TMEM128: variants seen among roughly 807,000 people sequenced by gnomAD.
TMEM128 encodes transmembrane protein 128.
TMEM128 carries 16 observed loss-of-function variants against 19.7 expected under a neutral mutation model. That is an observed-to-expected ratio of 0.81 (90% CI 0.55 to 1.23). The LOEUF is 1.23. Ranked by LOEUF, TMEM128 falls within the 50% of genes most tolerant of loss-of-function variation. The pLI, the probability that TMEM128 is intolerant of heterozygous loss-of-function variation, is 0.00. For missense variants in TMEM128, 237 were observed against 200.8 expected (o/e 1.18, Z -1.09); for synonymous variants, 98 against 75.8 (o/e 1.29, Z -1.52).
chr4:4,237,122 G>A (rs1435329376), intron 4 of TMEM128: 2 of 452,112 alleles, frequency 4.4e-6, no homozygotes, highest in Admixed American at 4.8e-5. Flanking sequence ...AACGAAAGCT[G>A]ATTGTGTCAT....
Position 4,248,116 on chromosome 4 carries a change from G to A in TMEM128, c.87C>T (p.Asp29=). The A allele has an allele frequency of 1.3e-6, 2 of 1,536,232 alleles. No homozygotes were observed. Among genetic ancestry groups the A allele is most frequent in the Non-Finnish European group, 1.7e-6 (2 of 1,144,268 alleles). The change falls in exon 1 of 5, where the codon GAC becomes GAT. Residue 29 remains aspartate (D), a synonymous_variant. Coordinates refer to ENST00000382753, the MANE Select transcript of TMEM128 (RefSeq NM_001297551.2). ...DAEAQLDREG[D]AGPETSTAVE... ...TGGTGCGCGCCTCACCCGGCCCGGCGTCACCCTCGCGGTCCAGCTGGGCCT... is the reference window on the plus strand; with the variant it reads ...TGGTGCGCGCCTCACCCGGCCCGGCATCACCCTCGCGGTCCAGCTGGGCCT...
chr4:4,240,333 G>C lies in TMEM128; in HGVS notation c.386C>G (p.Ala129Gly). Residue 129 changes from alanine (A) to glycine (G), a missense_variant, in exon 3 of 5, where the codon GCA (alanine) becomes GGA (glycine). Coordinates refer to ENST00000382753, the MANE Select transcript of TMEM128 (RefSeq NM_001297551.2). ...AAAGTTAACTTACCAAATTCCTGCTGCAATAAAGGAGGCAGTGGTAATGGG... is the reference window on the plus strand; with the variant it reads ...AAAGTTAACTTACCAAATTCCTGCTCCAATAAAGGAGGCAGTGGTAATGGG... The part of the protein sequence containing the change: ...LIPITTASFI[A>G]AGICFNIALW... 6.2e-7 allele frequency: 1 copy of C among 1,612,930 alleles called. No homozygotes were observed.
rs57202305 is a variant in TMEM128 at position 4,244,498 on chromosome 4, A to C, written c.239+1704T>G. On this transcript the variant is annotated intron_variant, in intron 2 of 4. Coordinates refer to ENST00000382753, the MANE Select transcript of TMEM128 (RefSeq NM_001297551.2). ...TGTCTCAAAATAAAAATAAAAATAAAGTATCCATCCCTCTTTTCCCAGCCC... is the reference window on the plus strand; with the variant it reads ...TGTCTCAAAATAAAAATAAAAATAACGTATCCATCCCTCTTTTCCCAGCCC... 5.3e-3 allele frequency among the ~76,000 whole-genome samples: 807 copies of C among 152,236 alleles called. 5 individuals are homozygous for C. The highest frequency in any genetic ancestry group is 0.019 in the African/African-American group (782 of 41,548).
intron 2 of TMEM128, among the ~76,000 whole-genome samples, chr4:4,243,425 T>C (rs1718041662): frequency 6.6e-6 from 1 of 152,150 alleles, no homozygotes; most frequent in East Asian, 1.9e-4. Context: ...CTTTGAACAA[T>C]ATAAAGAACC....
chr4:4,237,707 T>G lies in TMEM128; in HGVS notation c.*9+120A>C, dbSNP rs1191526754. On this transcript the variant is annotated intron_variant, in intron 4 of 4. Transcript: ENST00000382753. Reference sequence around the variant, plus strand: ...ATAATTCTAGTGTGGACAACTCTGGTGTAAACATGACTGAAAATAATTCAC... The same window carrying G: ...ATAATTCTAGTGTGGACAACTCTGGGGTAAACATGACTGAAAATAATTCAC... The G allele has an allele frequency of 4.8e-6, 3 of 625,794 alleles. No individual in the cohort carries two copies. The Admixed American group carries it at 7.5e-5, about 16-fold the overall frequency. 38.8% of individuals were successfully genotyped at this position (625,794 alleles called of 1,614,324 possible). A position where few individuals can be genotyped will look rare whatever the true frequency, so the allele number is the denominator to read the frequency against.
chr4:4,244,478 CAAAATA>C (rs573013339), intron 2 of TMEM128, among the ~76,000 whole-genome samples: 2 of 151,966 alleles, frequency 1.3e-5, no homozygotes, highest in Admixed American at 6.6e-5. Context: ...GACCCTGTCT[CAAAATA>C]AAAATAAAAA....
At chr4:4,238,869 C>T (rs779957100) in intron 3 of TMEM128, among the ~76,000 whole-genome samples, 1 of 152,030 alleles carries the variant, frequency 6.6e-6, no homozygotes, top group Non-Finnish European at 1.5e-5. Flanking sequence ...CCCATCTCTA[C>T]AAAAAATACA....
rs1717694260 is a variant in TMEM128, at chr4:4,235,759, C to T, written c.*507G>A. 6.6e-6 allele frequency: 1 copy of T among 152,608 alleles called. No individual in the cohort carries two copies. The highest frequency in any genetic ancestry group is 2.4e-5 in the African/African-American group (1 of 41,434). 9.5% of individuals were successfully genotyped at this position (152,608 alleles called of 1,614,324 possible). A position where few individuals can be genotyped will look rare whatever the true frequency, so the allele number is the denominator to read the frequency against. On this transcript the variant is annotated 3_prime_UTR_variant, in exon 5 of 5. Coordinates refer to ENST00000382753, the MANE Select transcript of TMEM128 (RefSeq NM_001297551.2). Reference sequence around the variant, plus strand: ...TAATTACTAAAGCTGGTTAAAGGCACATGACAACATAATTCCTTTATACAC... The same window carrying T: ...TAATTACTAAAGCTGGTTAAAGGCATATGACAACATAATTCCTTTATACAC...
Position 4,248,093 on chromosome 4 carries a change from G to T in TMEM128, c.97+13C>A, listed in dbSNP as rs565155252. ...CCTCTGAGAACCTCGGGGCGGCTTG[G>T]TGCGCGCCTCACCCGGCCCGGCGTC... On this transcript the variant is annotated intron_variant, in intron 1 of 4. Transcript: ENST00000382753. 8.9e-5 allele frequency: 136 copies of T among 1,535,646 alleles called. No individual in the cohort carries two copies. In the African/African-American group the frequency reaches 1.6e-3, roughly 18 times the overall value.
In TMEM128 at chr4:4,246,136, A is replaced by G. The variant is rs1043995169; in HGVS notation, c.239+66T>C. ...AGGTGCTTACTGTTTGAAGAATTCA[A>G]CTAACAAAATATAACACGAAAAATC... On this transcript the variant is annotated intron_variant, in intron 2 of 4. Transcript: ENST00000382753. 17 of 1,516,378 alleles carry G rather than the reference A, an allele frequency of 1.1e-5. No homozygotes were observed. The South Asian group carries it at 1.5e-4, about 14-fold the overall frequency. 93.9% of individuals were successfully genotyped at this position (1,516,378 alleles called of 1,614,324 possible). A position where few individuals can be genotyped will look rare whatever the true frequency, so the allele number is the denominator to read the frequency against.
intron 2 of TMEM128, among the ~76,000 whole-genome samples, chr4:4,243,150 G>A (rs1718029419): frequency 6.6e-6 from 1 of 152,132 alleles, no homozygotes; most frequent in Non-Finnish European, 1.5e-5. Flanking sequence ...CGCGATCTCG[G>A]CTCACTGCAA....
chr4:4,243,806 T>C (rs62286940), intron 2 of TMEM128, among the ~76,000 whole-genome samples: 42,711 of 152,108 alleles, frequency 0.28, 7,438 homozygotes, highest in Non-Finnish European at 0.38. Context: ...GGCACTCCAC[T>C]TCACTGCAGT....
chr4:4,242,791 T>A (rs933579641), intron 2 of TMEM128, among the ~76,000 whole-genome samples: 7 of 152,110 alleles, frequency 4.6e-5, no homozygotes, highest in African/African-American at 1.7e-4. Context: ...AGTGCTCGGA[T>A]TACAGGCATG....
intron 2 of TMEM128, among the ~76,000 whole-genome samples, chr4:4,240,758 G>C (rs1044859003): frequency 3.9e-5 from 6 of 152,190 alleles, no homozygotes; most frequent in African/African-American, 1.4e-4. Flanking sequence ...GAAAATTCTG[G>C]TCATGACAAT....
chr4:4,239,970 T>G (rs994743624), intron 3 of TMEM128, among the ~76,000 whole-genome samples: 2 of 152,258 alleles, frequency 1.3e-5, no homozygotes, highest in African/African-American at 4.8e-5. Flanking sequence ...GGGTTCCCAG[T>G]GTGCTGGCTC....
intron 2 of TMEM128, among the ~76,000 whole-genome samples, chr4:4,243,049 G>A (rs7662769): frequency 1.3e-5 from 2 of 151,884 alleles, no homozygotes; most frequent in Non-Finnish European, 2.9e-5. Flanking sequence ...GATTTCTAAA[G>A]CATCACAGTG....
At chr4:4,240,528 C>A in intron 2 of TMEM128, 49 bp from the exon 3 acceptor site, 1 of 1,568,350 alleles carries the variant, frequency 6.4e-7, no homozygotes, top group South Asian at 1.2e-5. Context: ...AATGAATCGT[C>A]ACATATCTTA....
intron 2 of TMEM128, among the ~76,000 whole-genome samples, chr4:4,243,329 G>T (rs954761018): frequency 6.6e-6 from 1 of 152,008 alleles, no homozygotes; most frequent in Non-Finnish European, 1.5e-5. Context: ...TGATCCGCCC[G>T]CCTCGGCCTC....
intron 2 of TMEM128, among the ~76,000 whole-genome samples, chr4:4,245,495 T>G (rs1718130662): frequency 6.6e-6 from 1 of 152,204 alleles, no homozygotes; most frequent in Non-Finnish European, 1.5e-5. Flanking sequence ...CCCAGTACTC[T>G]TGTACTTGGT....
Sources: allele counts gnomAD v4.1 joint callset (sites outside exome capture counted in the v4.1 genomes callset), GRCh38; gene constraint gnomAD v4.1.1; transcripts MANE v1.5; gene names NCBI Gene and HGNC (gene_info 2026-07-23, HGNC 2026-07-21).